The following CTNND2 variants were observed in gnomAD, a reference collection of about 807,000 sequenced individuals.
CTNND2 encodes catenin delta-2.
Under a neutral mutation model 144.4 loss-of-function variants are expected in CTNND2, and 22 were observed. The observed-to-expected ratio is 0.15, with a 90% CI of 0.11 to 0.22. The LOEUF (loss-of-function observed/expected upper bound fraction) is 0.22, where lower values mean the gene tolerates loss of function less well. Among genes scored for constraint, CTNND2 ranks in the 10% least tolerant of loss-of-function variants. CTNND2 has a pLI of 1.00. For missense variants in CTNND2, 1,353 were observed against 1,618.8 expected, an observed-to-expected ratio of 0.84 and a Z score of 2.82; for synonymous variants, 751 against 695.6, an observed-to-expected ratio of 1.08 and a Z score of -1.25.
chr5:11,344,980 G>A (rs1475415608), intron 9 of CTNND2, among the ~76,000 whole-genome samples: 1 of 152,050 alleles, frequency 6.6e-6, no homozygotes, highest in Non-Finnish European at 1.5e-5. Flanking sequence ...TTCCATCAGA[G>A]ATAAAATGTT....
At chr5:11,057,873 A>G (rs573511493) in intron 16 of CTNND2, among the ~76,000 whole-genome samples, 1 of 152,276 alleles carries the variant, frequency 6.6e-6, no homozygotes, top group South Asian at 2.1e-4. Flanking sequence ...CTTCTTGGGA[A>G]CTAGAGCAAA....
At chr5:11,654,838 G>A (rs1357046306) in intron 2 of CTNND2, among the ~76,000 whole-genome samples, 1 of 150,048 alleles carries the variant, frequency 6.7e-6, no homozygotes, top group Non-Finnish European at 1.5e-5. Context: ...TAGAGGAAAA[G>A]CTTTTAGCTT....
chr5:11,870,361 G>A (rs1734998069), intron 1 of CTNND2, among the ~76,000 whole-genome samples: 1 of 152,186 alleles, frequency 6.6e-6, no homozygotes, highest in Admixed American at 6.5e-5. Context: ...AATGCCAATA[G>A]TGCTGAAATG....
intron 3 of CTNND2, among the ~76,000 whole-genome samples, chr5:11,443,280 T>G (rs1183510517): frequency 1.3e-5 from 1 of 79,404 alleles, no homozygotes; most frequent in East Asian, 3.3e-4. Context: ...GTGGTATGTG[T>G]GCATGTGTGT....
chr5:11,173,735 C>G (rs1189725786), intron 11 of CTNND2, among the ~76,000 whole-genome samples: 1 of 152,124 alleles, frequency 6.6e-6, no homozygotes, highest in African/African-American at 2.4e-5. Context: ...TTTGAAAAAT[C>G]TTTTATTAAA....
At chr5:11,565,772 C>T (rs753992460) in intron 2 of CTNND2, among the ~76,000 whole-genome samples, 2 of 152,292 alleles carry the variant, frequency 1.3e-5, no homozygotes, top group South Asian at 2.1e-4. Context: ...TCAAAAATCT[C>T]AGCTGTTCCA....
At chr5:11,702,959 C>T (rs1178554040) in intron 2 of CTNND2, among the ~76,000 whole-genome samples, 2 of 152,184 alleles carry the variant, frequency 1.3e-5, no homozygotes, top group African/African-American at 2.4e-5. Context: ...ATCCGCAACA[C>T]TCAGATGCTT....
intron 11 of CTNND2, among the ~76,000 whole-genome samples, chr5:11,196,619 A>G (rs1205271986): frequency 1.3e-5 from 2 of 152,236 alleles, no homozygotes; most frequent in Non-Finnish European, 2.9e-5. Flanking sequence ...GCGACAAAAG[A>G]CGTGAAGCCA....
intron 9 of CTNND2, among the ~76,000 whole-genome samples, chr5:11,278,458 A>ACATCAAAG: frequency 6.6e-6 from 1 of 152,348 alleles, no homozygotes; most frequent in South Asian, 2.1e-4. Flanking sequence ...AGGAGGGAAG[A>ACATCAAAG]CATCAAAGCA....
At chr5:11,799,905 C>A (rs1173162843) in intron 1 of CTNND2, among the ~76,000 whole-genome samples, 1 of 152,144 alleles carries the variant, frequency 6.6e-6, no homozygotes, top group African/African-American at 2.4e-5. Flanking sequence ...CAAAACACTC[C>A]ATGCATTTTC....
At chr5:11,334,826 AGGACCCTCCGGTAT>A (rs1348794637) in intron 9 of CTNND2, among the ~76,000 whole-genome samples, 1 of 152,226 alleles carries the variant, frequency 6.6e-6, no homozygotes, top group Admixed American at 6.5e-5. Context: ...CCCCAAACTA[AGGACCCTCCGGTAT>A]GGAATTTTAA....
chr5:11,626,476 C>T (rs1561633905), intron 2 of CTNND2, among the ~76,000 whole-genome samples: 3 of 152,146 alleles, frequency 2.0e-5, no homozygotes, highest in South Asian at 2.1e-4. Flanking sequence ...TAGGAATGTA[C>T]ACATTGCTAA....
At chr5:11,514,818 C>A (rs1158897839) in intron 3 of CTNND2, among the ~76,000 whole-genome samples, 1 of 152,172 alleles carries the variant, frequency 6.6e-6, no homozygotes, top group Non-Finnish European at 1.5e-5. Flanking sequence ...ATATTTCTTT[C>A]TTGAGACTTA....
intron 1 of CTNND2, among the ~76,000 whole-genome samples, chr5:11,757,743 C>T (rs554679242): frequency 5.3e-5 from 8 of 152,060 alleles, no homozygotes; most frequent in African/African-American, 1.9e-4. Flanking sequence ...ATTCCATTAA[C>T]AGAAAAACAT....
At chr5:11,634,900 T>C (rs1348799476) in intron 2 of CTNND2, among the ~76,000 whole-genome samples, 1 of 152,008 alleles carries the variant, frequency 6.6e-6, no homozygotes, top group East Asian at 1.9e-4. Flanking sequence ...AATAGTCCAT[T>C]ATTTTTGGCA....
intron 2 of CTNND2, among the ~76,000 whole-genome samples, chr5:11,600,150 G>T (rs1779709093): frequency 6.6e-6 from 1 of 152,068 alleles, no homozygotes; most frequent in Admixed American, 6.6e-5. Context: ...AGTGTTGGAG[G>T]CAATCACTGA....
intron 12 of CTNND2, among the ~76,000 whole-genome samples, chr5:11,141,475 G>C (rs1033180359): frequency 6.6e-6 from 1 of 152,104 alleles, no homozygotes; most frequent in Non-Finnish European, 1.5e-5. Context: ...TCCAGTCTTT[G>C]GAAGGCGTCT....
chr5:11,598,190 G>A, intron 2 of CTNND2, among the ~76,000 whole-genome samples: 1 of 152,152 alleles, frequency 6.6e-6, no homozygotes, highest in East Asian at 1.9e-4. Context: ...TTAACCACTA[G>A]ACAGACCTAT....
At chr5:11,098,452 T>C (rs1751573951) in intron 15 of CTNND2, 123 bp downstream of exon 15, 2 of 841,114 alleles carry the variant, frequency 2.4e-6, no homozygotes, top group African/African-American at 1.7e-5. Context: ...AATATAATTT[T>C]TTTTTCTCTA....
Sources: allele counts gnomAD v4.1 joint callset (sites outside exome capture counted in the v4.1 genomes callset), GRCh38; gene constraint gnomAD v4.1.1; transcripts MANE v1.5; gene names NCBI Gene and HGNC (gene_info 2026-07-23, HGNC 2026-07-21).